The following SPAG16 variants were observed in gnomAD, a reference collection of about 807,000 sequenced individuals.
SPAG16 encodes sperm-associated antigen 16 protein.
Under a neutral mutation model 80.4 loss-of-function variants are expected in SPAG16, and 86 were observed. The observed-to-expected ratio is 1.07, with a 90% CI of 0.90 to 1.28. SPAG16 has a LOEUF of 1.28. SPAG16 is among the 50% of genes most tolerant of loss of function. The probability of loss-of-function intolerance (pLI) is 0.00; values close to 1 mark genes in which losing one functional copy is unlikely to be tolerated. For missense variants in SPAG16, 870 were observed against 765.3 expected, an observed-to-expected ratio of 1.14 and a Z score of -1.61; for synonymous variants, 294 against 265.9, an observed-to-expected ratio of 1.11 and a Z score of -1.03.
chr2:214,054,824 A>G (rs2049850123), intron 13 of SPAG16, among the ~76,000 whole-genome samples: 1 of 152,210 alleles, frequency 6.6e-6, no homozygotes, highest in Non-Finnish European at 1.5e-5. Flanking sequence ...TTTTAATTAC[A>G]GTGTTTATTA....
chr2:214,215,525 G>A (rs1050616456), intron 15 of SPAG16, among the ~76,000 whole-genome samples: 5 of 152,098 alleles, frequency 3.3e-5, no homozygotes, highest in African/African-American at 1.2e-4. Flanking sequence ...CAGCCTTCTA[G>A]GAAGTCTCTT....
At chr2:213,429,536 G>A (rs373404404) in intron 9 of SPAG16, among the ~76,000 whole-genome samples, 3 of 152,016 alleles carry the variant, frequency 2.0e-5, no homozygotes, top group African/African-American at 7.2e-5. Flanking sequence ...CCTGAAGTTC[G>A]GCCTACACAA....
intron 5 of SPAG16, among the ~76,000 whole-genome samples, chr2:213,334,109 T>C (rs1450160597): frequency 1.3e-5 from 2 of 151,942 alleles, no homozygotes; most frequent in African/African-American, 4.8e-5. Flanking sequence ...AGAAACTCTA[T>C]AGGAAAAAAG....
chr2:213,824,521 T>C (rs1035483796), intron 10 of SPAG16, among the ~76,000 whole-genome samples: 2 of 152,228 alleles, frequency 1.3e-5, no homozygotes, highest in Admixed American at 1.3e-4. Flanking sequence ...TGTGTGTTCT[T>C]AGCACTTGTT....
At chr2:213,436,409 G>A (rs2070644418) in intron 9 of SPAG16, among the ~76,000 whole-genome samples, 1 of 152,112 alleles carries the variant, frequency 6.6e-6, no homozygotes, top group Non-Finnish European at 1.5e-5. Context: ...TTAGAAAAAT[G>A]TGTAATACTG....
chr2:214,018,618 A>T (rs1274154180), intron 13 of SPAG16, among the ~76,000 whole-genome samples: 1 of 152,124 alleles, frequency 6.6e-6, no homozygotes, highest in East Asian at 1.9e-4. Flanking sequence ...TAATTCCTTG[A>T]TACATGATAA....
intron 10 of SPAG16, among the ~76,000 whole-genome samples, chr2:213,744,798 T>C (rs1379919576): frequency 6.6e-6 from 1 of 152,218 alleles, no homozygotes; most frequent in Non-Finnish European, 1.5e-5. Flanking sequence ...CATATGGTGG[T>C]TTAAATACCA....
chr2:213,467,510 C>G (rs2072765609), intron 9 of SPAG16, among the ~76,000 whole-genome samples: 1 of 152,104 alleles, frequency 6.6e-6, no homozygotes, highest in Non-Finnish European at 1.5e-5. Context: ...GGAAAAATAT[C>G]AGGTTAAAGT....
At chr2:213,486,311 A>G (rs2125712614) in intron 9 of SPAG16, among the ~76,000 whole-genome samples, 1 of 152,236 alleles carries the variant, frequency 6.6e-6, no homozygotes, top group Admixed American at 6.5e-5. Context: ...TATGAGTGAG[A>G]ACATGCAGTA....
In SPAG16 at chr2:213,811,017, G is replaced by GT. The variant is rs1479788238; in HGVS notation, c.1071-51467dup. On this transcript the variant is annotated intron_variant, in intron 10 of 15. Transcript: ENST00000331683. Reference sequence around the variant, plus strand: ...GTGGAATGTGGAAAACAAGGGTGTAGTAGTGATGAAGGGAGGGTCTCCTGG... The same window carrying GT: ...GTGGAATGTGGAAAACAAGGGTGTAGTTAGTGATGAAGGGAGGGTCTCCTGG... Among the ~76,000 whole-genome samples the GT allele has an allele frequency of 1.6e-4, 25 of 152,264 alleles. No homozygotes were observed. The South Asian group carries it at 5.2e-3, about 32-fold the overall frequency.
intron 10 of SPAG16, among the ~76,000 whole-genome samples, chr2:213,844,807 G>A (rs907159108): frequency 1.3e-4 from 20 of 152,048 alleles, no homozygotes; most frequent in African/African-American, 4.3e-4. Context: ...TTAGTCATTC[G>A]TCTTTATGTA....
chr2:213,871,683 A>G (rs1359151733), intron 11 of SPAG16, among the ~76,000 whole-genome samples: 1 of 152,120 alleles, frequency 6.6e-6, no homozygotes, highest in Non-Finnish European at 1.5e-5. Flanking sequence ...TAACATGCAC[A>G]CAGAGACACT....
intron 15 of SPAG16, among the ~76,000 whole-genome samples, chr2:214,300,395 A>C (rs554919915): frequency 6.6e-6 from 1 of 152,314 alleles, no homozygotes; most frequent in East Asian, 1.9e-4. Flanking sequence ...ATGTTGGGTT[A>C]GCAATCCTCA....
chr2:213,520,009 A>G (rs1437376226), intron 10 of SPAG16, among the ~76,000 whole-genome samples: 1 of 152,016 alleles, frequency 6.6e-6, no homozygotes, highest in Non-Finnish European at 1.5e-5. Flanking sequence ...ACAAACACAT[A>G]CACATATGCA....
At chr2:214,357,091 G>A (rs1333788235) in intron 15 of SPAG16, among the ~76,000 whole-genome samples, 1 of 151,778 alleles carries the variant, frequency 6.6e-6, no homozygotes, top group Non-Finnish European at 1.5e-5. Flanking sequence ...TCTTATTATG[G>A]AGATATCACT....
intron 14 of SPAG16, among the ~76,000 whole-genome samples, chr2:214,143,750 G>C (rs772581394): frequency 6.6e-6 from 1 of 152,132 alleles, no homozygotes; most frequent in Non-Finnish European, 1.5e-5. Context: ...TAGAGATTCA[G>C]TGTTACAGAA....
chr2:214,317,440 G>A (rs770541378), intron 15 of SPAG16, among the ~76,000 whole-genome samples: 30 of 152,140 alleles, frequency 2.0e-4, no homozygotes, highest in Non-Finnish European at 2.9e-4. Flanking sequence ...ACCTTGGATC[G>A]TTCTCACGTT....
intron 9 of SPAG16, among the ~76,000 whole-genome samples, chr2:213,435,048 T>C (rs1056077449): frequency 6.6e-6 from 1 of 152,196 alleles, no homozygotes. Flanking sequence ...AGGACAGATA[T>C]GTAATCAACC....
chr2:213,533,104 G>A (rs557494595), intron 10 of SPAG16, among the ~76,000 whole-genome samples: 1 of 152,210 alleles, frequency 6.6e-6, no homozygotes, highest in African/African-American at 2.4e-5. Context: ...ACTTCTATGT[G>A]TATATGTAGC....
Sources: allele counts gnomAD v4.1 joint callset (sites outside exome capture counted in the v4.1 genomes callset), GRCh38; gene constraint gnomAD v4.1.1; transcripts MANE v1.5; gene names NCBI Gene and HGNC (gene_info 2026-07-23, HGNC 2026-07-21).